The following RIPOR2 variants were observed in gnomAD, a reference collection of about 807,000 sequenced individuals.
The protein encoded by RIPOR2 is rho family-interacting cell polarization regulator 2.
In RIPOR2, 39 loss-of-function variants were observed where a neutral mutation model predicts 114.5. The observed-to-expected ratio is 0.34, with a 90% CI of 0.26 to 0.44. The LOEUF (loss-of-function observed/expected upper bound fraction) is 0.44, where lower values mean the gene tolerates loss of function less well. Ranked by LOEUF, RIPOR2 falls within the 20% of genes least tolerant of loss-of-function variation. RIPOR2 has a pLI of 1.00. For missense variants in RIPOR2, 1,007 were observed against 1,255.1 expected (o/e 0.80, Z 2.99); for synonymous variants, 445 against 484.4 (o/e 0.92, Z 1.07).
chr6:25,031,241 C>A (rs1248647463), intron 1 of RIPOR2: 1 of 152,272 alleles, frequency 6.6e-6, no homozygotes, highest in African/African-American at 2.4e-5. Context: ...AAGCCATCCT[C>A]CCGAGTAGCT....
Position 24,843,092 on chromosome 6 carries a change from T to C in RIPOR2, c.1627A>G (p.Thr543Ala), listed in dbSNP as rs1303640950. The change falls in exon 13 of 22, where the codon ACA becomes GCA. Residue 543 changes from threonine to alanine, a missense_variant. Physicochemically the swap from Thr to Ala is moderately conservative, Grantham distance 58. Transcript: ENST00000643898. ...VELDTSEGNI[T>A]KQLVKRLTSA... is the part of the protein sequence containing the mutation. ...GTGAGCCTCTTGACCAGCTGCTTTG[T>C]GATGTTTCCTTCCGAAGTGTCCAGT... 12 of 1,613,862 alleles carry C rather than the reference T, an allele frequency of 7.4e-6. No individual in the cohort carries two copies. The highest frequency in any genetic ancestry group is 2.2e-5 in the East Asian group (1 of 44,894).
At chr6:24,831,088 T>C (rs1325729092) in intron 16 of RIPOR2, among the ~76,000 whole-genome samples, 2 of 152,022 alleles carry the variant, frequency 1.3e-5, no homozygotes, top group African/African-American at 4.8e-5. Context: ...TTAGGGACTT[T>C]TTTTCTCCCC....
At chr6:24,994,463 C>T (rs1473058899) in intron 1 of RIPOR2, among the ~76,000 whole-genome samples, 1 of 152,092 alleles carries the variant, frequency 6.6e-6, no homozygotes, top group Non-Finnish European at 1.5e-5. Context: ...ATGTTGAAAG[C>T]CATTTGCAGG....
At chr6:24,866,241 G>A (rs77243033) in intron 6 of RIPOR2, among the ~76,000 whole-genome samples, 5,993 of 151,856 alleles carry the variant, frequency 0.039, 313 homozygotes, top group African/African-American at 0.12. Context: ...CAATATAAAT[G>A]AACTTTTCTT....
At chr6:24,854,973 G>A (rs1763298583) in intron 8 of RIPOR2, among the ~76,000 whole-genome samples, 2 of 142,232 alleles carry the variant, frequency 1.4e-5, no homozygotes, top group Admixed American at 1.5e-4. Flanking sequence ...GTTGCAGTGA[G>A]CCGAGATCAT....
chr6:24,915,143 G>T (rs886407981), intron 1 of RIPOR2, among the ~76,000 whole-genome samples: 3 of 152,160 alleles, frequency 2.0e-5, no homozygotes, highest in African/African-American at 7.2e-5. Flanking sequence ...AGGAACAGCA[G>T]ATCTAACAGC....
chr6:24,958,516 G>T (rs1773148285), intron 1 of RIPOR2, among the ~76,000 whole-genome samples: 1 of 152,050 alleles, frequency 6.6e-6, no homozygotes, highest in Non-Finnish European at 1.5e-5. Context: ...GCATGAGAGG[G>T]GGAGAATAAA....
chr6:24,946,782 T>C (rs1207223603), intron 1 of RIPOR2, among the ~76,000 whole-genome samples: 1 of 152,192 alleles, frequency 6.6e-6, no homozygotes, highest in Non-Finnish European at 1.5e-5. Flanking sequence ...CTTTGTGGGC[T>C]GTGACCCAGT....
chr6:24,969,706 C>T (rs1033629460), intron 1 of RIPOR2, among the ~76,000 whole-genome samples: 6 of 152,084 alleles, frequency 3.9e-5, no homozygotes, highest in Non-Finnish European at 7.4e-5. Flanking sequence ...ACTTCACTTC[C>T]CTCCACTCTC....
At chr6:24,879,677 C>T (rs1766167634) in intron 1 of RIPOR2, among the ~76,000 whole-genome samples, 1 of 152,140 alleles carries the variant, frequency 6.6e-6, no homozygotes, top group Non-Finnish European at 1.5e-5. Context: ...CACTCCCTTC[C>T]CCATAGCTCC....
chr6:24,980,727 G>A (rs1466576754), intron 1 of RIPOR2, among the ~76,000 whole-genome samples: 4 of 152,170 alleles, frequency 2.6e-5, no homozygotes, highest in African/African-American at 9.7e-5. Context: ...AGTCACAGGG[G>A]GCTTTTGGGC....
At chr6:24,867,694 C>T (rs949664606) in intron 6 of RIPOR2, among the ~76,000 whole-genome samples, 3 of 152,176 alleles carry the variant, frequency 2.0e-5, no homozygotes, top group Non-Finnish European at 4.4e-5. Context: ...AAATATCAAC[C>T]TATCCTAGCC....
At chr6:24,855,023 C>CA (rs71310727) in intron 8 of RIPOR2, among the ~76,000 whole-genome samples, 9,469 of 53,740 alleles carry the variant, frequency 0.18, 801 homozygotes, top group East Asian at 0.4. Flanking sequence ...AACTCCGTCT[C>CA]AAAAAAAAAA....
At chr6:24,836,071 A>T in intron 14 of RIPOR2, 200 bp from the exon 15 acceptor site, 1 of 565,710 alleles carries the variant, frequency 1.8e-6, no homozygotes. Context: ...AGGACATGCA[A>T]ACAAATTGCT....
At chr6:25,021,406 T>C (rs1776310649) in intron 1 of RIPOR2, among the ~76,000 whole-genome samples, 1 of 152,154 alleles carries the variant, frequency 6.6e-6, no homozygotes, top group African/African-American at 2.4e-5. Flanking sequence ...CATCGATCAA[T>C]GAGTGGATAA....
chr6:24,902,158 T>C (rs1768527407), intron 1 of RIPOR2, among the ~76,000 whole-genome samples: 1 of 151,974 alleles, frequency 6.6e-6, no homozygotes, highest in African/African-American at 2.4e-5. Context: ...CAGAATGTAC[T>C]GCAGGTGTCA....
intron 1 of RIPOR2, among the ~76,000 whole-genome samples, chr6:24,903,431 T>C (rs924390914): frequency 1.3e-5 from 2 of 152,202 alleles, no homozygotes; most frequent in African/African-American, 4.8e-5. Context: ...GAGTTATTAC[T>C]GAGGGCATCT....
chr6:24,976,792 T>C, intron 1 of RIPOR2: 5 of 1,611,690 alleles, frequency 3.1e-6, no homozygotes, highest in South Asian at 1.1e-5. Flanking sequence ...TGGCAAATGC[T>C]GGACCCAACA....
At chr6:25,033,348 T>C (rs1372915224) in intron 1 of RIPOR2, among the ~76,000 whole-genome samples, 1 of 152,214 alleles carries the variant, frequency 6.6e-6, no homozygotes, top group Non-Finnish European at 1.5e-5. Flanking sequence ...TAGAAGCCCC[T>C]CCAAGGCAGC....
Sources: gnomAD v4.1 joint callset for allele counts (sites outside exome capture counted in the v4.1 genomes callset) on GRCh38, gnomAD v4.1.1 for gene constraint, MANE v1.5 for transcripts, NCBI Gene and HGNC (gene_info 2026-07-23, HGNC 2026-07-21) for gene names.